Variants in SLC39A12 observed in about 807,000 individuals in gnomAD.
SLC39A12 encodes zinc transporter ZIP12.
A neutral mutation model predicts 71.1 loss-of-function variants in SLC39A12; 63 were observed. That is an observed-to-expected ratio of 0.89 (90% CI 0.72 to 1.09). The LOEUF is 1.09. Ranked by LOEUF, SLC39A12 falls within the 50% of genes least tolerant of loss-of-function variation. SLC39A12 has a pLI of 0.00. For missense variants in SLC39A12, 892 were observed against 812.6 expected (o/e 1.10, Z -1.19); for synonymous variants, 351 against 301.3 (o/e 1.16, Z -1.71).
intron 1 of SLC39A12, among the ~76,000 whole-genome samples, chr10:17,952,373 T>G (rs1451930727): frequency 6.6e-6 from 1 of 152,192 alleles, no homozygotes; most frequent in East Asian, 1.9e-4. Flanking sequence ...AGATGCTTCC[T>G]GCTCTAGAAT....
At chr10:17,968,480 T>G (rs1045144382) in intron 4 of SLC39A12, among the ~76,000 whole-genome samples, 1 of 152,156 alleles carries the variant, frequency 6.6e-6, no homozygotes, top group Non-Finnish European at 1.5e-5. Flanking sequence ...AGTGGTAAAT[T>G]TGGTCATATC....
At chr10:17,959,360 G>A (rs1469742254) in intron 2 of SLC39A12, among the ~76,000 whole-genome samples, 1 of 152,068 alleles carries the variant, frequency 6.6e-6, no homozygotes, top group Non-Finnish European at 1.5e-5. Flanking sequence ...CTGCAGTTGG[G>A]TTCAGGAGAG....
intron 9 of SLC39A12, among the ~76,000 whole-genome samples, chr10:17,994,569 C>A (rs1455582642): frequency 6.6e-6 from 1 of 152,092 alleles, no homozygotes. Flanking sequence ...TTTCACAGAA[C>A]TATAAAGCAT....
intron 6 of SLC39A12, among the ~76,000 whole-genome samples, chr10:17,983,776 C>T (rs1453852781): frequency 1.3e-5 from 2 of 151,994 alleles, no homozygotes; most frequent in Non-Finnish European, 2.9e-5. Flanking sequence ...GGAGAGACTC[C>T]ATCTCAAAAA....
intron 12 of SLC39A12, among the ~76,000 whole-genome samples, chr10:18,041,213 C>T (rs748233487): frequency 2.0e-5 from 3 of 151,946 alleles, no homozygotes; most frequent in Non-Finnish European, 4.4e-5. Flanking sequence ...GTGAGTGAAC[C>T]CTTCCCTCTA....
rs142948678 is a variant in SLC39A12, at chr10:17,953,404, C to G, written c.128C>G (p.Pro43Arg). 1 of 1,614,036 alleles carries G rather than the reference C, an allele frequency of 6.2e-7. No individual in the cohort carries two copies. The highest frequency in any genetic ancestry group is 2.2e-5 in the East Asian group (1 of 44,886). ...DSRSRGSSGQ[P>R]ADLLQVLSAG... ...AGAAGCCGTGGGAGTTCAGGCCAAC[C>G]GGCAGACCTGCTACAGGTTCTCTCT... The change falls in exon 2 of 13, where the codon CCG becomes CGG. Residue 43 changes from proline (P) to arginine (R), a missense_variant. Transcript: ENST00000377369.
chr10:17,965,736 A>T (rs775897214), intron 4 of SLC39A12, 46 bp downstream of exon 4: 1 of 1,486,358 alleles, frequency 6.7e-7, no homozygotes, highest in Non-Finnish European at 9.3e-7. Flanking sequence ...CACCTGCTAA[A>T]TAAACTATGC....
chr10:18,008,166 A>AACT (rs1836086988), intron 12 of SLC39A12, among the ~76,000 whole-genome samples: 2 of 152,206 alleles, frequency 1.3e-5, no homozygotes, highest in Non-Finnish European at 2.9e-5. Flanking sequence ...GCCGCACAGT[A>AACT]GGAGGTGAGC....
At chr10:18,034,406 T>C (rs1836937788) in intron 12 of SLC39A12, among the ~76,000 whole-genome samples, 2 of 152,280 alleles carry the variant, frequency 1.3e-5, no homozygotes, top group Admixed American at 1.3e-4. Flanking sequence ...CATTATGTAA[T>C]GGCCTTGTCT....
At chr10:17,978,190 T>A in intron 5 of SLC39A12, 116 bp downstream of exon 5, 1 of 825,930 alleles carries the variant, frequency 1.2e-6, no homozygotes, top group Non-Finnish European at 1.8e-6. Flanking sequence ...TCTTGAAAAG[T>A]AAAAATATTC....
At chr10:17,999,068 G>T (rs557515242) in intron 10 of SLC39A12, among the ~76,000 whole-genome samples, 43 of 152,058 alleles carry the variant, frequency 2.8e-4, no homozygotes, top group South Asian at 2.1e-3. Flanking sequence ...AGGCCGAGGC[G>T]GGTGGATCAC....
intron 12 of SLC39A12, among the ~76,000 whole-genome samples, chr10:18,012,853 G>A (rs929808216): frequency 7.8e-6 from 1 of 127,518 alleles, no homozygotes; most frequent in African/African-American, 3.1e-5. Context: ...GTGACAAGGT[G>A]AGACTACGTC....
chr10:18,033,325 A>G (rs1463011894), intron 12 of SLC39A12, among the ~76,000 whole-genome samples: 5 of 149,900 alleles, frequency 3.3e-5, no homozygotes, highest in Admixed American at 6.7e-5. Flanking sequence ...CCACAATTTC[A>G]GCTCCTGTTA....
Position 17,961,844 on chromosome 10 carries a change from T to C in SLC39A12, c.525T>C (p.Phe175=), listed in dbSNP as rs377176790. 38 of 1,613,410 alleles carry C rather than the reference T, an allele frequency of 2.4e-5. 1 individual carries two copies. In the African/African-American group the frequency reaches 3.1e-4, roughly 13 times the overall value. Residue 175 remains phenylalanine, a synonymous_variant, in exon 3 of 13, where the codon TTT becomes TTC. Transcript: ENST00000377369. ...TCTTGGCTTTCACCAGGCAGTACTT[T>C]GACACTTCTCAAAGCCAGGTAAGAA... ...EDILAFTRQY[F]DTSQSQCMET...
At chr10:18,034,352 A>G (rs1421014697) in intron 12 of SLC39A12, among the ~76,000 whole-genome samples, 1 of 152,032 alleles carries the variant, frequency 6.6e-6, no homozygotes, top group African/African-American at 2.4e-5. Context: ...GGGTGCATAT[A>G]TATTTAGGAT....
At position 17,953,195 on chromosome 10, in the gene SLC39A12, TC is replaced by T; in HGVS notation, c.-80del. 1 of 1,499,564 alleles carries T rather than the reference TC, an allele frequency of 6.7e-7. No individual in the cohort carries two copies. The highest frequency in any genetic ancestry group is 2.2e-5 in the Admixed American group (1 of 45,714). 92.9% of individuals were successfully genotyped at this position (1,499,564 alleles called of 1,614,324 possible). A position where few individuals can be genotyped will look rare whatever the true frequency, so the allele number is the denominator to read the frequency against. On this transcript the variant is annotated 5_prime_UTR_variant, in exon 2 of 13. Transcript: ENST00000377369. Reference sequence around the variant, plus strand: ...TATTTTTCCCCTTTACCACAGAAATTCCTTTGGTTACAAGTTTACCCCATAA... The same window carrying T: ...TATTTTTCCCCTTTACCACAGAAATTCTTTGGTTACAAGTTTACCCCATAA...
rs746395628 is a variant in SLC39A12, at chr10:17,995,655, GA to G, written c.1537del (p.Ser513AlafsTer12). On this transcript the variant is annotated frameshift_variant and splice_region_variant, in exon 10 of 13. Coordinates refer to ENST00000377369, the MANE Select transcript of SLC39A12 (RefSeq NM_001145195.2). LOFTEE classifies it high-confidence loss of function. ...ATCAGTTATTTTTTAATTTAAAATA[GA>G]AAAGCCCAGAAGATTCACAGGCAGC... The part of the protein sequence containing the change: ...RGKSASTIQL[K>X]SPEDSQAAEM... 1.2e-6 allele frequency: 2 copies of G among 1,610,892 alleles called. No homozygotes were observed. The highest frequency in any genetic ancestry group is 1.7e-6 in the Non-Finnish European group (2 of 1,178,986).
intron 12 of SLC39A12, among the ~76,000 whole-genome samples, chr10:18,040,735 C>T (rs1837199984): frequency 6.8e-6 from 1 of 147,800 alleles, no homozygotes. Context: ...TGCCACTGTA[C>T]TCCAGCCTAG....
chr10:18,022,361 G>A (rs1836557016), intron 12 of SLC39A12, among the ~76,000 whole-genome samples: 2 of 150,878 alleles, frequency 1.3e-5, no homozygotes, highest in Non-Finnish European at 1.5e-5. Context: ...GTCTTACTGA[G>A]TTAATTTGAA....
Sources: gnomAD v4.1 joint callset for allele counts (sites outside exome capture counted in the v4.1 genomes callset) on GRCh38, gnomAD v4.1.1 for gene constraint, MANE v1.5 for transcripts, NCBI Gene and HGNC (gene_info 2026-07-23, HGNC 2026-07-21) for gene names.